The following ACO2 variants were observed in gnomAD, a reference collection of about 807,000 sequenced individuals.
The protein encoded by ACO2 is aconitase 2, also known as aconitate hydratase, mitochondrial.
In ACO2, 31 loss-of-function variants were observed where a neutral mutation model predicts 84.5. The ratio of observed to expected loss-of-function variants is 0.37; its 90% CI spans 0.28 to 0.50. The LOEUF (loss-of-function observed/expected upper bound fraction) is 0.50, where lower values mean the gene tolerates loss of function less well. Among genes scored for constraint, ACO2 ranks in the 20% least tolerant of loss-of-function variants. The pLI is 0.97. For missense variants in ACO2, 685 were observed against 1,029.3 expected (o/e 0.67, Z 4.58); for synonymous variants, 414 against 412.7 (o/e 1.00, Z -0.04).
intron 9 of ACO2, among the ~76,000 whole-genome samples, chr22:41,521,985 C>G (rs1294413848): frequency 6.6e-6 from 1 of 152,132 alleles, no homozygotes; most frequent in Non-Finnish European, 1.5e-5. Flanking sequence ...GTTAGCCAGG[C>G]TAGTCTGGAA....
chr22:41,479,980 T>C (rs2038068223), intron 1 of ACO2, among the ~76,000 whole-genome samples: 1 of 152,234 alleles, frequency 6.6e-6, no homozygotes, highest in Non-Finnish European at 1.5e-5. Context: ...CCTTGCTCCC[T>C]TTCCAAGCCT....
At chr22:41,499,025 AGGC>A (rs2066334764) in intron 1 of ACO2, among the ~76,000 whole-genome samples, 1 of 150,372 alleles carries the variant, frequency 6.7e-6, no homozygotes, top group Non-Finnish European at 1.5e-5. Flanking sequence ...TGAACCCAGG[AGGC>A]GGCGGTATCA....
intron 3 of ACO2, among the ~76,000 whole-genome samples, chr22:41,508,740 G>A (rs551503744): frequency 9.2e-5 from 14 of 152,280 alleles, no homozygotes; most frequent in Non-Finnish European, 1.8e-4. Flanking sequence ...TGGGACCTTT[G>A]TGTCAGCCTG....
Position 41,524,061 on chromosome 22 carries a change from G to A in ACO2, c.1482+120G>A. On this transcript the variant is annotated intron_variant, in intron 12 of 17. Transcript: ENST00000216254. ...TCCAAGTGGTAGCCAGGAGCTACAG[G>A]CCTTCCCAGCCTCAGGCGCATGCTT... 5.0e-6 allele frequency: 4 copies of A among 801,674 alleles called. No homozygotes were observed. The South Asian group carries it at 6.0e-5, about 12-fold the overall frequency. The allele number at this position is 801,674 out of a possible 1,614,324, so 49.7% of individuals were successfully genotyped here.
intron 1 of ACO2, among the ~76,000 whole-genome samples, chr22:41,490,381 AGT>A (rs2066263360): frequency 6.6e-6 from 1 of 152,192 alleles, no homozygotes; most frequent in Admixed American, 6.5e-5. Context: ...AACCACTTTC[AGT>A]GTTCAATTCA....
intron 1 of ACO2, among the ~76,000 whole-genome samples, chr22:41,496,875 C>CAGGGAAT (rs1287526071): frequency 6.6e-6 from 1 of 152,054 alleles, no homozygotes; most frequent in African/African-American, 2.4e-5. Flanking sequence ...GTGACTCGAA[C>CAGGGAAT]AGGGAATGGC....
At position 41,492,777 on chromosome 22, in the gene ACO2, A is replaced by G. The variant is rs192182602; in HGVS notation, c.37-6949A>G. On this transcript the variant is annotated intron_variant, in intron 1 of 17. Coordinates refer to ENST00000216254, the MANE Select transcript of ACO2 (RefSeq NM_001098.3). ...AACAAGAGCTAAACTCCATCTCAAAAAAAATAAAAAAAGAAAATTAGCCAG... is the reference window on the plus strand; with the variant it reads ...AACAAGAGCTAAACTCCATCTCAAAGAAAATAAAAAAAGAAAATTAGCCAG... Among the ~76,000 whole-genome samples the G allele has an allele frequency of 1.4e-3, 218 of 152,118 alleles. 1 individual carries two copies. The highest frequency in any genetic ancestry group is 3.4e-3 in the Middle Eastern group (1 of 294).
At chr22:41,512,092 T>A (rs2066437612) in intron 4 of ACO2, 124 bp downstream of exon 4, 1 of 604,070 alleles carries the variant, frequency 1.7e-6, no homozygotes, top group Admixed American at 3.8e-5. Context: ...ATCCATCAGC[T>A]CTTATGCTCT....
chr22:41,527,477 C>G, intron 16 of ACO2, 57 bp downstream of exon 16: 1 of 1,552,970 alleles, frequency 6.4e-7, no homozygotes, highest in Non-Finnish European at 8.7e-7. Flanking sequence ...ATCAAGGTCA[C>G]TCTCCCTGCC....
chr22:41,509,156 TG>T (rs750950684), intron 3 of ACO2, among the ~76,000 whole-genome samples: 14 of 152,140 alleles, frequency 9.2e-5, no homozygotes, highest in Non-Finnish European at 1.9e-4. Context: ...GCCGGGAACG[TG>T]GGTCCTCTGC....
chr22:41,494,441 C>T (rs375549172), intron 1 of ACO2, among the ~76,000 whole-genome samples: 176 of 141,584 alleles, frequency 1.2e-3, no homozygotes, highest in African/African-American at 4.3e-3. Context: ...GTCAGAGTTT[C>T]GCTCTTGTTG....
intron 4 of ACO2, among the ~76,000 whole-genome samples, chr22:41,514,532 CG>C (rs1376365857): frequency 6.6e-6 from 1 of 152,170 alleles, no homozygotes; most frequent in African/African-American, 2.4e-5. Context: ...TCAGACCCCC[CG>C]ATACAGGACG....
In ACO2 at chr22:41,520,293, C is replaced by T. The variant is rs751287626; in HGVS notation, c.1138+17C>T. 10 of 1,604,256 alleles carry T rather than the reference C, an allele frequency of 6.2e-6. No homozygotes were observed. In the South Asian group the frequency reaches 1.1e-4, roughly 18 times the overall value. On this transcript the variant is annotated intron_variant, in intron 9 of 17. Transcript: ENST00000216254. ...TCCGAGTGGGTGAGCACCTTCCACC[C>T]CATCTGTTTAGCAGGTCTCAGGGCC...
intron 12 of ACO2, 97 bp downstream of exon 12, chr22:41,524,038 C>A: frequency 2.8e-6 from 3 of 1,059,384 alleles, no homozygotes; most frequent in Non-Finnish European, 4.2e-6. Context: ...TGGGGTCATC[C>A]AAGTGGTAGC....
chr22:41,496,408 A>G (rs1477984872), intron 1 of ACO2, among the ~76,000 whole-genome samples: 2 of 152,174 alleles, frequency 1.3e-5, no homozygotes, highest in East Asian at 3.8e-4. Flanking sequence ...GTGTACACTT[A>G]GGAACGCACA....
rs753583156 is a variant in ACO2 at position 41,528,018 on chromosome 22, G to A, written c.2204G>A (p.Gly735Asp). 2 of 1,614,154 alleles carry A rather than the reference G, an allele frequency of 1.2e-6. No homozygotes were observed. The highest frequency in any genetic ancestry group is 1.7e-6 in the Non-Finnish European group (2 of 1,180,032). The change falls in exon 17 of 18, where the codon GGC (glycine) becomes GAC (aspartate). Residue 735 changes from glycine (G) to aspartate (D), a missense_variant. By Grantham distance (94) the Gly-to-Asp change is moderately conservative. Coordinates refer to ENST00000216254, the MANE Select transcript of ACO2 (RefSeq NM_001098.3). Reference protein sequence around the residue: ...TIQGLKDFTPGKPLKCIIKHP... With the variant: ...TIQGLKDFTPDKPLKCIIKHP... ...CAGGGCCTGAAGGACTTCACCCCTG[G>A]CAAGGTTAGGGGCCCGGGTCCCCCT...
rs773909734 is a variant in ACO2, at chr22:41,469,119, T to C, written c.-28T>C. On this transcript the variant is annotated 5_prime_UTR_variant, in exon 1 of 18. The change abolishes an upstream ATG in the 5' untranslated region. Coordinates refer to ENST00000216254, the MANE Select transcript of ACO2 (RefSeq NM_001098.3). ...GGCGCCGTGTGGGACGTCACTTTAA[T>C]GCGACCTCATCTTTGTCAGTGCACA... is the stretch of plus-strand genomic sequence containing the variant. 1 of 1,604,646 alleles carries C rather than the reference T, an allele frequency of 6.2e-7. No homozygotes were observed. The highest frequency in any genetic ancestry group is 2.3e-5 in the East Asian group (1 of 44,040).
intron 1 of ACO2, among the ~76,000 whole-genome samples, chr22:41,495,603 T>G (rs1601896599): frequency 6.7e-6 from 1 of 149,602 alleles, no homozygotes; most frequent in Non-Finnish European, 1.5e-5. Context: ...AGGCAATAGG[T>G]ATTGTTACAG....
intron 1 of ACO2, among the ~76,000 whole-genome samples, chr22:41,485,356 A>G (rs906296508): frequency 2.6e-5 from 4 of 151,488 alleles, no homozygotes; most frequent in Admixed American, 6.6e-5. Flanking sequence ...GCTGGAGTGC[A>G]ATGGCACAAT....
Sources: gnomAD v4.1 joint callset for allele counts (sites outside exome capture counted in the v4.1 genomes callset) on GRCh38, gnomAD v4.1.1 for gene constraint, MANE v1.5 for transcripts, NCBI Gene and HGNC (gene_info 2026-07-23, HGNC 2026-07-21) for gene names.